Variants in IL1RAPL1 observed in about 807,000 individuals in gnomAD.
IL1RAPL1 encodes the protein interleukin-1 receptor accessory protein-like 1.
Under a neutral mutation model 48.4 loss-of-function variants are expected in IL1RAPL1, and 3 were observed. The observed-to-expected ratio is 0.06, with a 90% confidence interval of 0.03 to 0.16. The LOEUF is 0.16. Among genes scored for constraint, IL1RAPL1 ranks in the 10% least tolerant of loss-of-function variants. The pLI is 1.00. For missense variants in IL1RAPL1, 349 were observed against 530.6 expected (o/e 0.66, Z 3.36); for synonymous variants, 185 against 187.7 (o/e 0.99, Z 0.12).
rs768024558 is a variant in IL1RAPL1, at chrX:29,955,349, T to C, written c.1620T>C (p.His540=). ...AGCTCCTGACGGTCATTAAATGGCATGGACCAAAATGCAACAAGTTGAACT... is the reference window on the plus strand; with the variant it reads ...AGCTCCTGACGGTCATTAAATGGCACGGACCAAAATGCAACAAGTTGAACT... ...TIKLLTVIKW[H]GPKCNKLNSK... is the part of the protein sequence containing the mutation. Residue 540 remains histidine, a synonymous_variant, in exon 11 of 11, where the codon CAT becomes CAC. Transcript: ENST00000378993. 1.8e-5 allele frequency: 22 copies of C among 1,211,504 alleles called. No homozygotes were observed. The highest frequency in any genetic ancestry group is 2.3e-5 in the Non-Finnish European group (21 of 895,388).
At chrX:28,924,638 A>G (rs1010022240) in intron 2 of IL1RAPL1, among the ~76,000 whole-genome samples, 1 of 111,725 alleles carries the variant, frequency 9.0e-6, no homozygotes, top group African/African-American at 3.3e-5. Flanking sequence ...GTTTCAAAGA[A>G]TACATGCCGA....
At chrX:29,872,509 T>G (rs1460870910) in intron 6 of IL1RAPL1, among the ~76,000 whole-genome samples, 1 of 111,923 alleles carries the variant, frequency 8.9e-6, no homozygotes, top group Non-Finnish European at 1.9e-5. Flanking sequence ...AGGTGAGACC[T>G]TTAGGAGGTG....
At chrX:29,783,619 ATGGATAACAGTCCC>A (rs773362155) in intron 6 of IL1RAPL1, among the ~76,000 whole-genome samples, 4 of 112,075 alleles carry the variant, frequency 3.6e-5, no homozygotes, top group African/African-American at 1.3e-4. Flanking sequence ...TTTCCGCAGC[ATGGATAACAGTCCC>A]TGGGTAATGT....
At chrX:29,144,611 A>C (rs1446644495) in intron 2 of IL1RAPL1, among the ~76,000 whole-genome samples, 318 of 108,162 alleles carry the variant, frequency 2.9e-3, no homozygotes, top group Non-Finnish European at 3.9e-3. Flanking sequence ...CTCAAAAAAA[A>C]AAAAAAAAAA....
intron 3 of IL1RAPL1, among the ~76,000 whole-genome samples, chrX:29,333,732 G>A (rs1161664431): frequency 1.2e-5 from 1 of 84,417 alleles, no homozygotes; most frequent in Admixed American, 1.2e-4. Flanking sequence ...CTCCCTCCCG[G>A]ACGGGGCGGC....
intron 6 of IL1RAPL1, among the ~76,000 whole-genome samples, chrX:29,873,378 G>C (rs1601860624): frequency 1.0e-5 from 1 of 99,744 alleles, no homozygotes; most frequent in African/African-American, 3.7e-5. Context: ...GGATGTTTGT[G>C]CCCCCCCCCC....
chrX:28,623,101 A>C (rs1010129746), intron 1 of IL1RAPL1, among the ~76,000 whole-genome samples: 3 of 110,731 alleles, frequency 2.7e-5, no homozygotes, highest in Non-Finnish European at 3.8e-5. Flanking sequence ...ACTTAGGGAG[A>C]TATATATCTA....
At chrX:29,473,426 C>G (rs1934941810) in intron 5 of IL1RAPL1, among the ~76,000 whole-genome samples, 1 of 111,010 alleles carries the variant, frequency 9.0e-6, no homozygotes, top group South Asian at 3.8e-4. Context: ...TAGTCTTCTG[C>G]CAGCCTCTCC....
chrX:29,479,217 C>T lies in IL1RAPL1; in HGVS notation c.703+79909C>T, dbSNP rs1258268047. On this transcript the variant is annotated intron_variant, in intron 5 of 10. Coordinates refer to ENST00000378993, the MANE Select transcript of IL1RAPL1 (RefSeq NM_014271.4). ...TTGAGCCCAGGAGTTTGAGACTAGC[C>T]TAGGCAACATAGGGAGACCATGTCT... Among the ~76,000 whole-genome samples, 9 of 107,872 alleles carry T rather than the reference C, an allele frequency of 8.3e-5. No homozygotes were observed. The East Asian group carries it at 2.6e-3, about 32-fold the overall frequency. 93.7% of individuals were successfully genotyped at this position (107,872 alleles called of 115,157 possible). A position where few individuals can be genotyped will look rare whatever the true frequency, so the allele number is the denominator to read the frequency against.
At chrX:29,805,454 A>G (rs1930233582) in intron 6 of IL1RAPL1, among the ~76,000 whole-genome samples, 2 of 110,825 alleles carry the variant, frequency 1.8e-5, no homozygotes, top group African/African-American at 6.6e-5. Flanking sequence ...GAATCTGTCT[A>G]GCCAAGACCA....
At chrX:29,006,647 ATGTGTG>A (rs547186942) in intron 2 of IL1RAPL1, among the ~76,000 whole-genome samples, 2,354 of 76,882 alleles carry the variant, frequency 0.031, 44 homozygotes, top group African/African-American at 0.062. Context: ...GTTTATATAT[ATGTGTG>A]TGTGTGTGTG....
At chrX:29,264,956 A>G (rs1931926179) in intron 2 of IL1RAPL1, among the ~76,000 whole-genome samples, 1 of 111,467 alleles carries the variant, frequency 9.0e-6, no homozygotes, top group Non-Finnish European at 1.9e-5. Context: ...CTTATTGCCC[A>G]GGCTGGAGTG....
At chrX:28,951,888 T>C (rs1448212698) in intron 2 of IL1RAPL1, among the ~76,000 whole-genome samples, 7 of 111,447 alleles carry the variant, frequency 6.3e-5, no homozygotes, top group Admixed American at 9.6e-5. Context: ...AACTTTATCT[T>C]GATGCTGGCT....
At chrX:29,506,572 A>G (rs941562967) in intron 5 of IL1RAPL1, among the ~76,000 whole-genome samples, 1 of 110,192 alleles carries the variant, frequency 9.1e-6, no homozygotes, top group Non-Finnish European at 1.9e-5. Context: ...GTAAACCATC[A>G]GAGTGCTTCC....
chrX:29,122,409 T>TCACACACACACACA lies in IL1RAPL1; in HGVS notation c.83-160503_83-160490dup, dbSNP rs59677285. On this transcript the variant is annotated intron_variant, in intron 2 of 10. Coordinates refer to ENST00000378993, the MANE Select transcript of IL1RAPL1 (RefSeq NM_014271.4). The stretch of plus-strand genomic sequence containing the variant: ...CTCTCTCTCTCTTTCTCTCTCTCTC[T>TCACACACACACACA]CACACACACACACACACACACACAC... Among the ~76,000 whole-genome samples the TCACACACACACACA allele has an allele frequency of 8.8e-4, 57 of 64,586 alleles. 1 individual carries two copies. Among genetic ancestry groups the TCACACACACACACA allele is most frequent in the African/African-American group, 2.3e-3 (29 of 12,825 alleles). The allele number at this position is 64,586 out of a possible 115,157, so 56.1% of individuals were successfully genotyped here. A position where few individuals can be genotyped will look rare whatever the true frequency, so the allele number is the denominator to read the frequency against.
intron 6 of IL1RAPL1, among the ~76,000 whole-genome samples, chrX:29,729,611 A>G (rs1927865163): frequency 8.9e-6 from 1 of 111,986 alleles, no homozygotes; most frequent in African/African-American, 3.2e-5. Context: ...CATTCCAACT[A>G]CAGTGAGCAG....
chrX:28,966,533 C>T (rs981297315), intron 2 of IL1RAPL1, among the ~76,000 whole-genome samples: 1 of 111,450 alleles, frequency 9.0e-6, no homozygotes, highest in African/African-American at 3.3e-5. Flanking sequence ...ACTCTCCCCC[C>T]TCCTCTTGTT....
Position 29,275,873 on chromosome X carries a change from AT to A in IL1RAPL1, c.83-7061del, listed in dbSNP as rs765748562. Reference sequence around the variant, plus strand: ...ATGACTTGAACTTTAATGCATGATTATTTTATATGTTCATTGCTGAAAACAA... The same window carrying A: ...ATGACTTGAACTTTAATGCATGATTATTTATATGTTCATTGCTGAAAACAA... On this transcript the variant is annotated intron_variant, in intron 2 of 10. Coordinates refer to ENST00000378993, the MANE Select transcript of IL1RAPL1 (RefSeq NM_014271.4). Among the ~76,000 whole-genome samples, 21 of 112,464 alleles carry A rather than the reference AT, an allele frequency of 1.9e-4. No homozygotes were observed. In the South Asian group the frequency reaches 5.8e-3, roughly 31 times the overall value.
At chrX:28,633,865 A>C (rs1229954638) in intron 1 of IL1RAPL1, among the ~76,000 whole-genome samples, 1 of 112,036 alleles carries the variant, frequency 8.9e-6, no homozygotes, top group Non-Finnish European at 1.9e-5. Flanking sequence ...TTTTAATCGA[A>C]AAATAATTGT....
Sources: allele counts gnomAD v4.1 joint callset (sites outside exome capture counted in the v4.1 genomes callset), GRCh38; gene constraint gnomAD v4.1.1; transcripts MANE v1.5; gene names NCBI Gene and HGNC (gene_info 2026-07-23, HGNC 2026-07-21).